KCNN2: variants seen among roughly 807,000 people sequenced by gnomAD.
The protein encoded by KCNN2 is small conductance calcium-activated potassium channel protein 2.
In KCNN2, 24 loss-of-function variants were observed where a neutral mutation model predicts 55.5. That is an observed-to-expected ratio of 0.43 (90% CI 0.31 to 0.61). KCNN2 has a LOEUF of 0.61. Ranked by LOEUF, KCNN2 falls within the 20% of genes least tolerant of loss-of-function variation. The pLI is 0.08. For missense variants in KCNN2, 754 were observed against 853.6 expected (o/e 0.88, Z 1.45); for synonymous variants, 431 against 336.1 (o/e 1.28, Z -3.09).
chr5:114,125,774 C>A (rs1292291472), intron 1 of KCNN2, among the ~76,000 whole-genome samples: 1 of 152,170 alleles, frequency 6.6e-6, no homozygotes, highest in Admixed American at 6.5e-5. Flanking sequence ...GCTGTCTTCT[C>A]CCTGTGTCTT....
At chr5:114,149,178 AT>A (rs1752464499) in intron 1 of KCNN2, among the ~76,000 whole-genome samples, 1 of 152,140 alleles carries the variant, frequency 6.6e-6, no homozygotes, top group Non-Finnish European at 1.5e-5. Context: ...GGTGTTTAGA[AT>A]GTGATTGTCC....
intron 4 of KCNN2, among the ~76,000 whole-genome samples, chr5:114,472,602 G>A (rs147822018): frequency 6.6e-6 from 1 of 152,200 alleles, no homozygotes; most frequent in African/African-American, 2.4e-5. Flanking sequence ...CTGGTGCATT[G>A]CAGTTGATCA....
intron 2 of KCNN2, among the ~76,000 whole-genome samples, chr5:114,256,752 T>C (rs1479883609): frequency 6.6e-6 from 1 of 152,154 alleles, no homozygotes; most frequent in Non-Finnish European, 1.5e-5. Flanking sequence ...GTTGTTTCAG[T>C]TCTTTGGAGA....
chr5:114,467,424 G>A (rs1480887419), intron 4 of KCNN2, among the ~76,000 whole-genome samples: 1 of 152,176 alleles, frequency 6.6e-6, no homozygotes, highest in Admixed American at 6.5e-5. Context: ...TTTTAAAAAT[G>A]TCTTACACAA....
chr5:114,477,192 T>G (rs1347038340), intron 5 of KCNN2, among the ~76,000 whole-genome samples: 2 of 152,176 alleles, frequency 1.3e-5, no homozygotes, highest in African/African-American at 2.4e-5. Context: ...TCACAGATGT[T>G]CTGAAATCTG....
chr5:114,276,820 AT>A (rs758057427), intron 2 of KCNN2, among the ~76,000 whole-genome samples: 8 of 152,068 alleles, frequency 5.3e-5, no homozygotes, highest in Non-Finnish European at 1.0e-4. Context: ...TGATTGGGAC[AT>A]TTAGTCCATT....
intron 2 of KCNN2, among the ~76,000 whole-genome samples, chr5:114,243,288 G>GT (rs1201610321): frequency 6.6e-6 from 1 of 152,128 alleles, no homozygotes; most frequent in Non-Finnish European, 1.5e-5. Context: ...TATGTTTACG[G>GT]TAGTCTCCCC....
chr5:114,491,813 A>G (rs1747872162), intron 6 of KCNN2, among the ~76,000 whole-genome samples: 1 of 152,034 alleles, frequency 6.6e-6, no homozygotes, highest in Admixed American at 6.6e-5. Context: ...TTTCTTTAGT[A>G]CACTTCTGCG....
intron 3 of KCNN2, among the ~76,000 whole-genome samples, chr5:114,458,239 T>G (rs1282381618): frequency 6.6e-6 from 1 of 152,226 alleles, no homozygotes. Context: ...GAGCTGACAT[T>G]TGAGATGAGA....
Position 114,362,202 on chromosome 5 carries a change from C to A in KCNN2, c.63C>A (p.Arg21=). 1 of 162,824 alleles carries A rather than the reference C, an allele frequency of 6.1e-6. No homozygotes were observed. The highest frequency in any genetic ancestry group is 1.3e-5 in the Non-Finnish European group (1 of 75,454). 10.1% of individuals were successfully genotyped at this position (162,824 alleles called of 1,614,324 possible). Reference sequence around the variant, plus strand: ...CAGAGCAGCCGCCGCCGCCGCCGCGCTCCTCACACCTGCATTGCCAGCAGC... The same window carrying A: ...CAGAGCAGCCGCCGCCGCCGCCGCGATCCTCACACCTGCATTGCCAGCAGC... ...FFPEQPPPPP[R]SSHLHCQQQQ... The change falls in exon 1 of 8, where the codon CGC becomes CGA. Residue 21 remains arginine (R), a synonymous_variant. Transcript: ENST00000673685.
At chr5:114,224,888 G>A (rs1754210266) in intron 2 of KCNN2, among the ~76,000 whole-genome samples, 1 of 152,076 alleles carries the variant, frequency 6.6e-6, no homozygotes, top group Non-Finnish European at 1.5e-5. Context: ...TTTTGATGGG[G>A]TTGTTTTTTG....
chr5:114,190,737 GTATGT>G (rs1753432589), intron 1 of KCNN2, among the ~76,000 whole-genome samples: 1 of 152,030 alleles, frequency 6.6e-6, no homozygotes, highest in African/African-American at 2.4e-5. Context: ...AAATATATCA[GTATGT>G]TATTTCACTT....
chr5:114,340,758 A>G (rs1757002429), intron 2 of KCNN2, among the ~76,000 whole-genome samples: 2 of 152,122 alleles, frequency 1.3e-5, no homozygotes, highest in Non-Finnish European at 2.9e-5. Context: ...TAATCACTAT[A>G]TCAGTAGTCA....
chr5:114,346,663 A>T (rs1426710103), intron 2 of KCNN2, among the ~76,000 whole-genome samples: 1 of 151,914 alleles, frequency 6.6e-6, no homozygotes, highest in Non-Finnish European at 1.5e-5. Context: ...GTTCATATAC[A>T]TGGATATATT....
rs199871130 is a variant in KCNN2, at chr5:114,363,061, G to A, written c.922G>A (p.Gly308Ser). The A allele has an allele frequency of 3.7e-6, 6 of 1,608,930 alleles. No homozygotes were observed. The Admixed American group carries it at 6.7e-5, about 18-fold the overall frequency. The change falls in exon 1 of 8, where the codon GGT becomes AGT. Residue 308 changes from glycine to serine, a missense_variant. Coordinates refer to ENST00000673685, the MANE Select transcript of KCNN2 (RefSeq NM_021614.4). ...GGGSTGGGGGGGGSGHGSSSG... is the reference protein window; with the variant it reads ...GGGSTGGGGGSGGSGHGSSSG... ...AGGCAGCACTGGAGGAGGCGGCGGC[G>A]GTGGCGGGAGCGGGCACGGCAGCAG...
chr5:114,206,348 T>A (rs77655988), intron 1 of KCNN2, among the ~76,000 whole-genome samples: 2,916 of 152,190 alleles, frequency 0.019, 85 homozygotes, highest in African/African-American at 0.066. Context: ...CATCTCAGAG[T>A]GTTTCCATTT....
intron 1 of KCNN2, among the ~76,000 whole-genome samples, chr5:114,204,102 T>C (rs1459383086): frequency 6.6e-6 from 1 of 152,134 alleles, no homozygotes; most frequent in Non-Finnish European, 1.5e-5. Context: ...AACTTTAGCA[T>C]TCTAGATGAA....
chr5:114,386,369 G>T (rs781601514), intron 2 of KCNN2, among the ~76,000 whole-genome samples: 1 of 151,880 alleles, frequency 6.6e-6, no homozygotes, highest in Non-Finnish European at 1.5e-5. Flanking sequence ...ATCTCCACCA[G>T]GGGCTGGTAT....
chr5:114,072,997 C>G (rs1049945036), intron 1 of KCNN2, among the ~76,000 whole-genome samples: 1 of 152,130 alleles, frequency 6.6e-6, no homozygotes, highest in African/African-American at 2.4e-5. Flanking sequence ...GTGGATTACT[C>G]TAAGTGATTT....
Sources: allele counts gnomAD v4.1 joint callset (sites outside exome capture counted in the v4.1 genomes callset), GRCh38; gene constraint gnomAD v4.1.1; transcripts MANE v1.5; gene names NCBI Gene and HGNC (gene_info 2026-07-23, HGNC 2026-07-21).